The following SPOCK1 variants were observed in gnomAD, a reference collection of about 807,000 sequenced individuals.
SPOCK1 encodes the protein SPARC (osteonectin), cwcv and kazal like domains proteoglycan 1.
A neutral mutation model predicts 55.3 loss-of-function variants in SPOCK1; 23 were observed. The ratio of observed to expected loss-of-function variants is 0.42; its 90% confidence interval spans 0.30 to 0.59. The LOEUF (loss-of-function observed/expected upper bound fraction) is 0.59, where lower values mean the gene tolerates loss of function less well. Ranked by LOEUF, SPOCK1 falls within the 20% of genes least tolerant of loss-of-function variation. The pLI, the probability that SPOCK1 is intolerant of heterozygous loss-of-function variation, is 0.22. For missense variants in SPOCK1, 499 were observed against 552.5 expected, an observed-to-expected ratio of 0.90 and a Z score of 0.97; for synonymous variants, 226 against 221.0, an observed-to-expected ratio of 1.02 and a Z score of -0.20.
intron 3 of SPOCK1, among the ~76,000 whole-genome samples, chr5:137,172,601 A>C (rs1754774542): frequency 6.6e-6 from 1 of 152,174 alleles, no homozygotes; most frequent in South Asian, 2.1e-4. Flanking sequence ...CCTACAGTGC[A>C]CACAGTGCTA....
At chr5:137,488,876 A>G (rs1754116973) in intron 2 of SPOCK1, among the ~76,000 whole-genome samples, 1 of 152,204 alleles carries the variant, frequency 6.6e-6, no homozygotes, top group Non-Finnish European at 1.5e-5. Context: ...GAAGGGTTTC[A>G]GAAGCATTAC....
In SPOCK1 at chr5:136,988,594, C is replaced by T. The variant is rs745687426; in HGVS notation, c.756G>A (p.Met252Ile). The change falls in exon 8 of 11, where the codon ATG becomes ATA. Residue 252 changes from methionine to isoleucine, a missense_variant. By Grantham distance (10) the Met-to-Ile change is conservative (BLOSUM62 1). Transcript: ENST00000394945. ...LPICKDSLGWMFNKLDMNYDL... is the reference protein window; with the variant it reads ...LPICKDSLGWIFNKLDMNYDL... The stretch of plus-strand genomic sequence containing the variant: ...CATAGTTCATGTCCAACTTGTTGAA[C>T]ATCCAGCCCAGGGAGTCCTTGCAGA... 17 of 1,614,072 alleles carry T rather than the reference C, an allele frequency of 1.1e-5. No individual in the cohort carries two copies. Among genetic ancestry groups the T allele is most frequent in the Non-Finnish European group, 1.4e-5 (17 of 1,179,970 alleles).
Position 136,986,480 on chromosome 5 carries a change from T to C in SPOCK1, c.929-1278A>G, listed in dbSNP as rs995740874. 2.0e-5 allele frequency among the ~76,000 whole-genome samples: 3 copies of C among 152,278 alleles called. 1 individual carries two copies. The highest frequency in any genetic ancestry group is 7.2e-5 in the African/African-American group (3 of 41,530). ...TTTTTAAATGGCTATTATCTTAACATTGATTTTAGGTACTAACAGATGTAA... is the reference window on the plus strand; with the variant it reads ...TTTTTAAATGGCTATTATCTTAACACTGATTTTAGGTACTAACAGATGTAA... On this transcript the variant is annotated intron_variant, in intron 8 of 10. Coordinates refer to ENST00000394945, the MANE Select transcript of SPOCK1 (RefSeq NM_004598.4).
intron 6 of SPOCK1, among the ~76,000 whole-genome samples, chr5:137,045,459 T>C (rs1752091276): frequency 5.2e-5 from 1 of 19,200 alleles, no homozygotes; most frequent in African/African-American, 2.2e-4. Context: ...GAAGTGTCTG[T>C]TCATGTCCTT....
chr5:137,146,981 G>T (rs565437593), intron 3 of SPOCK1, among the ~76,000 whole-genome samples: 2 of 152,334 alleles, frequency 1.3e-5, no homozygotes, highest in South Asian at 4.1e-4. Flanking sequence ...TCTGACCAAA[G>T]ATAGCCCTCC....
In SPOCK1 at chr5:137,343,186, G is replaced by A. The variant is rs114661391; in HGVS notation, c.187-76131C>T. On this transcript the variant is annotated intron_variant, in intron 2 of 10. Coordinates refer to ENST00000394945, the MANE Select transcript of SPOCK1 (RefSeq NM_004598.4). ...AGTCACAAAGGGGAGGTCTGGGAGG[G>A]TTTGGCTGTCCCCTCTCCAGTGTTC... Among the ~76,000 whole-genome samples, 984 of 152,348 alleles carry A rather than the reference G, an allele frequency of 6.5e-3. 17 individuals are homozygous for A. Among genetic ancestry groups the A allele is most frequent in the African/African-American group, 0.023 (944 of 41,574 alleles).
chr5:137,470,028 A>C (rs553041757), intron 2 of SPOCK1, among the ~76,000 whole-genome samples: 1 of 152,312 alleles, frequency 6.6e-6, no homozygotes, highest in South Asian at 2.1e-4. Flanking sequence ...ACTATAAGTT[A>C]TCTCCTACCC....
intron 2 of SPOCK1, among the ~76,000 whole-genome samples, chr5:137,315,674 G>A (rs1236967705): frequency 6.6e-6 from 1 of 152,128 alleles, no homozygotes; most frequent in Non-Finnish European, 1.5e-5. Flanking sequence ...CTTCTCCTCT[G>A]GACAGTTAGC....
At chr5:137,296,210 T>C (rs905162602) in intron 2 of SPOCK1, among the ~76,000 whole-genome samples, 1 of 152,200 alleles carries the variant, frequency 6.6e-6, no homozygotes, top group Non-Finnish European at 1.5e-5. Context: ...GAAATAAGTA[T>C]CTGTTGTTTA....
At chr5:137,408,256 A>T (rs1322753669) in intron 2 of SPOCK1, among the ~76,000 whole-genome samples, 1 of 152,186 alleles carries the variant, frequency 6.6e-6, no homozygotes. Flanking sequence ...TAGAAGACAG[A>T]AGAGGCTAGG....
At chr5:137,262,237 G>C (rs1756755129) in intron 3 of SPOCK1, among the ~76,000 whole-genome samples, 2 of 152,164 alleles carry the variant, frequency 1.3e-5, no homozygotes, top group Admixed American at 6.5e-5. Context: ...CCCTCATCAA[G>C]TCATCTCACT....
At chr5:137,356,834 T>TAGAGAGAGAGAGAGAGAGAGAG (rs1231164356) in intron 2 of SPOCK1, among the ~76,000 whole-genome samples, 3 of 9,466 alleles carry the variant, frequency 3.2e-4, no homozygotes, top group African/African-American at 8.6e-4. Context: ...TATATATATA[T>TAGAGAGAGAGAGAGAGAGAGAG]ATATAGAGAG....
intron 2 of SPOCK1, among the ~76,000 whole-genome samples, chr5:137,333,551 G>A (rs1758227420): frequency 6.6e-6 from 1 of 152,144 alleles, no homozygotes; most frequent in Admixed American, 6.5e-5. Flanking sequence ...ATAAGTCCGG[G>A]CCTGAGGATG....
intron 3 of SPOCK1, among the ~76,000 whole-genome samples, chr5:137,225,702 C>T (rs977883812): frequency 4.6e-5 from 7 of 152,168 alleles, no homozygotes; most frequent in Admixed American, 3.9e-4. Context: ...AGGTTTCTGG[C>T]TCTATCATCA....
intron 7 of SPOCK1, 101 bp downstream of exon 7, chr5:136,992,383 T>C: frequency 1.1e-6 from 1 of 912,710 alleles, no homozygotes; most frequent in Non-Finnish European, 1.6e-6. Flanking sequence ...AGTCAAAGTA[T>C]ATATTTAATG....
At chr5:136,987,460 G>A (rs376607636) in intron 8 of SPOCK1, among the ~76,000 whole-genome samples, 5 of 152,140 alleles carry the variant, frequency 3.3e-5, no homozygotes, top group African/African-American at 9.7e-5. Context: ...ATAGAGAATA[G>A]GTATTCTCAT....
rs541147159 is a variant in SPOCK1, at chr5:137,463,775, C to A, written c.186+34598G>T. On this transcript the variant is annotated intron_variant, in intron 2 of 10. Coordinates refer to ENST00000394945, the MANE Select transcript of SPOCK1 (RefSeq NM_004598.4). ...CCAGCTTGGCCAACATGGCAAAACC[C>A]CATCTCTACTAAAAATAGAAAAATT... Among the ~76,000 whole-genome samples the A allele has an allele frequency of 5.8e-4, 88 of 151,278 alleles. 1 individual carries two copies. The South Asian group carries it at 0.018, about 31-fold the overall frequency.
At chr5:137,075,681 G>A (rs1342153447) in intron 5 of SPOCK1, among the ~76,000 whole-genome samples, 1 of 152,214 alleles carries the variant, frequency 6.6e-6, no homozygotes, top group Non-Finnish European at 1.5e-5. Context: ...TCTAAACTGT[G>A]TGACGAAACC....
At chr5:137,297,710 C>T (rs555349903) in intron 2 of SPOCK1, among the ~76,000 whole-genome samples, 14 of 152,138 alleles carry the variant, frequency 9.2e-5, no homozygotes, top group African/African-American at 3.4e-4. Flanking sequence ...CCTGGGGAGA[C>T]ATGGTAGGGC....
Sources: allele counts gnomAD v4.1 joint callset (sites outside exome capture counted in the v4.1 genomes callset), GRCh38; gene constraint gnomAD v4.1.1; transcripts MANE v1.5; gene names NCBI Gene and HGNC (gene_info 2026-07-23, HGNC 2026-07-21).